Variants in BCL2L14 observed in about 807,000 individuals in gnomAD.
The protein encoded by BCL2L14 is BCL2 like 14.
BCL2L14 carries 27 observed loss-of-function variants against 35.3 expected under a neutral mutation model. The observed-to-expected ratio is 0.76, with a 90% confidence interval of 0.56 to 1.05. The LOEUF (loss-of-function observed/expected upper bound fraction) is 1.05. Ranked by LOEUF, BCL2L14 falls within the 50% of genes least tolerant of loss-of-function variation. BCL2L14 has a pLI of 0.00. For synonymous variants in BCL2L14, 139 were observed against 145.9 expected (o/e 0.95, Z 0.34); for missense variants, 377 against 382.6 (o/e 0.99, Z 0.12).
intron 4 of BCL2L14, among the ~76,000 whole-genome samples, chr12:12,093,803 A>AAAG (rs1555095077): frequency 6.6e-6 from 1 of 150,408 alleles, no homozygotes; most frequent in Non-Finnish European, 1.5e-5. Flanking sequence ...AGAAAAAAAA[A>AAAG]AAAGAAAGAA....
chr12:12,059,496 A>G (rs949677584), intron 2 of BCL2L14, among the ~76,000 whole-genome samples: 4 of 149,988 alleles, frequency 2.7e-5, no homozygotes, highest in Admixed American at 6.6e-5. Context: ...CTGCTCCCCG[A>G]TCCCTTATTT....
At chr12:12,078,412 A>T (rs936095640) in intron 1 of BCL2L14, among the ~76,000 whole-genome samples, 1 of 152,126 alleles carries the variant, frequency 6.6e-6, no homozygotes, top group Non-Finnish European at 1.5e-5. Flanking sequence ...TTAACTCCAC[A>T]GTCCACAGCT....
intron 1 of BCL2L14, among the ~76,000 whole-genome samples, chr12:12,072,774 C>T (rs1049944451): frequency 2.0e-5 from 3 of 152,124 alleles, no homozygotes; most frequent in African/African-American, 4.8e-5. Flanking sequence ...TGATAATACT[C>T]GATCGCTGCT....
At chr12:12,057,058 G>C (rs890324558) in intron 2 of BCL2L14, among the ~76,000 whole-genome samples, 3 of 152,102 alleles carry the variant, frequency 2.0e-5, no homozygotes, top group Non-Finnish European at 2.9e-5. Context: ...AATTTAACTG[G>C]AGCCAGCAAA....
At chr12:12,084,286 A>G (rs1467351872) in intron 2 of BCL2L14, among the ~76,000 whole-genome samples, 1 of 152,128 alleles carries the variant, frequency 6.6e-6, no homozygotes, top group Non-Finnish European at 1.5e-5. Context: ...AGCTTTCTTG[A>G]AACTGCCCCC....
intron 5 of BCL2L14, among the ~76,000 whole-genome samples, chr12:12,097,035 T>C (rs6488500): frequency 0.2 from 30,080 of 151,954 alleles, 3,188 homozygotes; most frequent in South Asian, 0.28. Context: ...TCCCAGCTAC[T>C]CAGGGGGGCT....
intron 2 of BCL2L14, among the ~76,000 whole-genome samples, chr12:12,081,491 C>A (rs117866293): frequency 6.7e-6 from 1 of 148,364 alleles, no homozygotes; most frequent in Non-Finnish European, 1.5e-5. Flanking sequence ...GCCCTTCATG[C>A]GCACACCTTG....
intron 2 of BCL2L14, among the ~76,000 whole-genome samples, chr12:12,080,345 G>A (rs1258407170): frequency 6.6e-6 from 1 of 152,118 alleles, no homozygotes; most frequent in African/African-American, 2.4e-5. Flanking sequence ...AGGAGGCTAG[G>A]CGCAGTGGCT....
intron 5 of BCL2L14, chr12:12,096,130 A>T (rs1264669524): frequency 1.0e-6 from 1 of 985,376 alleles, no homozygotes; most frequent in East Asian, 1.1e-4. Flanking sequence ...AATCTCCAGC[A>T]CTTCATGTTT....
intron 3 of BCL2L14, among the ~76,000 whole-genome samples, chr12:12,087,874 G>A (rs1949083122): frequency 6.6e-6 from 1 of 152,200 alleles, no homozygotes; most frequent in Admixed American, 6.5e-5. Flanking sequence ...TGGGTCAGTT[G>A]TCACCCAAAC....
chr12:12,081,067 G>A (rs901802504), intron 2 of BCL2L14, among the ~76,000 whole-genome samples: 8 of 151,730 alleles, frequency 5.3e-5, no homozygotes, highest in African/African-American at 1.9e-4. Context: ...CACGCCTGTG[G>A]TCCTGGCTAC....
chr12:12,062,039 T>G (rs1228181269), intron 2 of BCL2L14, among the ~76,000 whole-genome samples: 1 of 152,108 alleles, frequency 6.6e-6, no homozygotes, highest in Admixed American at 6.6e-5. Context: ...GTGCAGTGGC[T>G]GCTGCCGCCC....
intron 2 of BCL2L14, among the ~76,000 whole-genome samples, chr12:12,081,775 C>T (rs4763778): frequency 0.09 from 13,631 of 151,910 alleles, 767 homozygotes; most frequent in East Asian, 0.27. Flanking sequence ...GTCAGGCTGG[C>T]CTCGAACTCC....
At chr12:12,073,108 T>A (rs762360129) in intron 1 of BCL2L14, among the ~76,000 whole-genome samples, 1 of 152,110 alleles carries the variant, frequency 6.6e-6, no homozygotes, top group Non-Finnish European at 1.5e-5. Flanking sequence ...CTCCTGGGCT[T>A]AAGCGATCCT....
chr12:12,089,023 C>T (rs2111166), intron 3 of BCL2L14, among the ~76,000 whole-genome samples: 64,820 of 152,172 alleles, frequency 0.43, 14,085 homozygotes, highest in Middle Eastern at 0.59. Context: ...AGCAACTTTC[C>T]CTAAGAGAGT....
At chr12:12,062,737 A>T (rs376230336) in intron 2 of BCL2L14, among the ~76,000 whole-genome samples, 6,672 of 152,144 alleles carry the variant, frequency 0.044, 488 homozygotes, top group African/African-American at 0.15. Flanking sequence ...TCTTCCCTTC[A>T]GTCAGACATA....
At chr12:12,090,030 G>C (rs1949144858) in intron 3 of BCL2L14, among the ~76,000 whole-genome samples, 1 of 152,186 alleles carries the variant, frequency 6.6e-6, no homozygotes, top group Non-Finnish European at 1.5e-5. Flanking sequence ...CTAACCCAAA[G>C]AGTGAAATAT....
chr12:12,065,476 C>T (rs1298923076), intron 2 of BCL2L14, among the ~76,000 whole-genome samples: 1 of 149,436 alleles, frequency 6.7e-6, no homozygotes, highest in Admixed American at 6.7e-5. Flanking sequence ...GCGGAGGTTG[C>T]AGTGAGCAGA....
chr12:12,056,395 G>A (rs767048827), intron 2 of BCL2L14, among the ~76,000 whole-genome samples: 2 of 151,984 alleles, frequency 1.3e-5, no homozygotes, highest in Non-Finnish European at 2.9e-5. Flanking sequence ...TCTTTCTCCC[G>A]ATCACTCCCT....
Sources: gnomAD v4.1 joint callset for allele counts (sites outside exome capture counted in the v4.1 genomes callset) on GRCh38, gnomAD v4.1.1 for gene constraint, MANE v1.5 for transcripts, NCBI Gene and HGNC (gene_info 2026-07-23, HGNC 2026-07-21) for gene names.